Variants in WLS observed in about 807,000 individuals in gnomAD.
The protein encoded by WLS is Wnt ligand secretion mediator.
In WLS, 23 loss-of-function variants were observed where a neutral mutation model predicts 62.8. That is an observed-to-expected ratio of 0.37 (90% confidence interval 0.26 to 0.52). The LOEUF is 0.52. WLS is among the 20% of genes least tolerant of loss of function. The probability of loss-of-function intolerance (pLI) is 0.92; values close to 1 mark genes in which losing one functional copy is unlikely to be tolerated. For missense variants in WLS, 615 were observed against 697.3 expected, an observed-to-expected ratio of 0.88 and a Z score of 1.33; for synonymous variants, 246 against 244.1, an observed-to-expected ratio of 1.01 and a Z score of -0.07.
rs143443478 is a variant in WLS at position 68,139,251 on chromosome 1, C to T, written c.1363-1318G>A. On this transcript the variant is annotated intron_variant, in intron 10 of 11. Transcript: ENST00000262348. ...AGTGTTTTCTGGCAAAGATGGATTT[C>T]ATAACCATTACTAATTTTAGGACAA... Among the ~76,000 whole-genome samples the T allele has an allele frequency of 1.8e-3, 270 of 152,288 alleles. 1 individual carries two copies. Among genetic ancestry groups the T allele is most frequent in the African/African-American group, 6.2e-3 (257 of 41,556 alleles).
chr1:68,146,087 G>T, intron 8 of WLS, 75 bp from the exon 9 acceptor site: 1 of 1,526,148 alleles, frequency 6.6e-7, no homozygotes, highest in Non-Finnish European at 8.9e-7. Context: ...TTCTCCCCAG[G>T]TCTGTTGGCA....
intron 11 of WLS, among the ~76,000 whole-genome samples, chr1:68,130,367 G>A (rs949836675): frequency 6.6e-6 from 1 of 152,100 alleles, no homozygotes; most frequent in African/African-American, 2.4e-5. Flanking sequence ...TGAAAGCCAG[G>A]GAGCTCCCAT....
rs894381465 is a variant in WLS, at chr1:68,106,055, T to C, written c.1511-7302A>G. ...CAAAGTGTTAATATGAAAAATCAAGTACCTCGCTCTGAAATTTCAGAATTT... is the reference window on the plus strand; with the variant it reads ...CAAAGTGTTAATATGAAAAATCAAGCACCTCGCTCTGAAATTTCAGAATTT... On this transcript the variant is annotated intron_variant, in intron 11 of 11. Coordinates refer to the WLS transcript ENST00000354777. 5.3e-5 allele frequency among the ~76,000 whole-genome samples: 8 copies of C among 152,100 alleles called. No homozygotes were observed. The East Asian group carries it at 1.4e-3, about 26-fold the overall frequency.
intron 10 of WLS, among the ~76,000 whole-genome samples, chr1:68,140,906 G>A (rs1646675864): frequency 6.6e-6 from 1 of 152,010 alleles, no homozygotes; most frequent in Non-Finnish European, 1.5e-5. Context: ...TCTTACTAAT[G>A]CCAAGGCGGA....
Position 68,125,365 on chromosome 1 carries a change from T to C in WLS, c.*861A>G. On this transcript the variant is annotated 3_prime_UTR_variant, in exon 12 of 12. Transcript: ENST00000262348. ...ATAATCTGCACGCATGTGTATGAGTTTTAGCAGGAGGGGATATGCATGTAC... is the reference window on the plus strand; with the variant it reads ...ATAATCTGCACGCATGTGTATGAGTCTTAGCAGGAGGGGATATGCATGTAC... 1 of 985,438 alleles carries C rather than the reference T, an allele frequency of 1.0e-6. No homozygotes were observed. The allele number at this position is 985,438 out of a possible 1,614,324, so 61.0% of individuals were successfully genotyped here. A position where few individuals can be genotyped will look rare whatever the true frequency, so the allele number is the denominator to read the frequency against.
chr1:68,106,758 G>GT (rs1646152141), intron 11 of WLS, among the ~76,000 whole-genome samples: 2 of 151,250 alleles, frequency 1.3e-5, no homozygotes, highest in African/African-American at 4.9e-5. Context: ...GTGTATGTGT[G>GT]GGTAGGTGGG....
intron 2 of WLS, among the ~76,000 whole-genome samples, chr1:68,174,275 CT>C (rs1443701944): frequency 6.6e-6 from 1 of 152,200 alleles, no homozygotes; most frequent in East Asian, 1.9e-4. Flanking sequence ...GTTTCAACAG[CT>C]GTGTTATTGC....
Position 68,145,956 on chromosome 1 carries a change from G to A in WLS, c.1191C>T (p.Cys397=). The A allele has an allele frequency of 6.2e-7, 1 of 1,614,164 alleles. No homozygotes were observed. The change falls in exon 9 of 12, where the codon TGC becomes TGT. Residue 397 remains cysteine, a synonymous_variant. Transcript: ENST00000262348. Reference sequence around the variant, plus strand: ...TCCGAAACACCTGAAATACCATGAAGCATAGAAACAGGAAGTAGAGGCAGA... The same window carrying A: ...TCCGAAACACCTGAAATACCATGAAACATAGAAACAGGAAGTAGAGGCAGA... ...ICLCLYFLFL[C]FMVFQVFRNI...
chr1:68,158,540 G>A (rs1429558500), intron 3 of WLS, among the ~76,000 whole-genome samples: 1 of 151,918 alleles, frequency 6.6e-6, no homozygotes. Flanking sequence ...CCGGAAGGAG[G>A]AGAATTGTCT....
intron 11 of WLS, among the ~76,000 whole-genome samples, chr1:68,113,702 T>TAGAA (rs1489068280): frequency 6.6e-6 from 1 of 152,214 alleles, no homozygotes; most frequent in East Asian, 1.9e-4. Flanking sequence ...GGGAGCATGT[T>TAGAA]AGAAATGCAT....
intron 11 of WLS, among the ~76,000 whole-genome samples, chr1:68,111,599 G>C (rs756877529): frequency 2.0e-5 from 3 of 152,202 alleles, no homozygotes; most frequent in Non-Finnish European, 4.4e-5. Context: ...CTAAATGCCA[G>C]TGTGCCCCTA....
intron 1 of WLS, among the ~76,000 whole-genome samples, chr1:68,214,513 T>G (rs1571024810): frequency 6.6e-6 from 1 of 151,916 alleles, no homozygotes; most frequent in South Asian, 2.1e-4. Context: ...TACAGGCAGG[T>G]GAAACCACAT....
Position 68,145,881 on chromosome 1 carries a change from C to T in WLS, c.1266G>A (p.Arg422=), listed in dbSNP as rs752791170. The change falls in exon 9 of 12, where the codon CGG becomes CGA. Residue 422 remains arginine (R), a synonymous_variant. Transcript: ENST00000262348. ...GAAATCTGCCCACCTCATAGTGTAG[C>T]CGCCGGACTTTGCTCATAGCTGGCA... ...SSLPAMSKVR[R]LHYEGLIFRF... is the part of the protein sequence containing the mutation. 4.3e-6 allele frequency: 7 copies of T among 1,614,172 alleles called. No homozygotes were observed. The highest frequency in any genetic ancestry group is 5.9e-6 in the Non-Finnish European group (7 of 1,180,028).
intron 6 of WLS, among the ~76,000 whole-genome samples, chr1:68,148,984 T>C (rs1409712337): frequency 6.6e-6 from 1 of 152,226 alleles, no homozygotes; most frequent in Non-Finnish European, 1.5e-5. Context: ...TAACTCATTC[T>C]GAATTAAATT....
chr1:68,175,098 C>G (rs17483057), intron 2 of WLS, among the ~76,000 whole-genome samples: 9,302 of 152,272 alleles, frequency 0.061, 342 homozygotes, highest in Admixed American at 0.093. Flanking sequence ...GCCTGTTCTC[C>G]CTCCAAAGTT....
At chr1:68,159,012 C>A in intron 3 of WLS, 111 bp downstream of exon 3, 1 of 1,424,310 alleles carries the variant, frequency 7.0e-7, no homozygotes, top group Non-Finnish European at 9.6e-7. Flanking sequence ...GCAGGTATTA[C>A]CAAAGCTGTC....
intron 11 of WLS, chr1:68,098,823 G>A: frequency 6.5e-7 from 1 of 1,535,584 alleles, no homozygotes; most frequent in South Asian, 1.2e-5. Context: ...ATGGAGTTTA[G>A]GACCAAGGCT....
intron 2 of WLS, among the ~76,000 whole-genome samples, chr1:68,182,720 G>A (rs989508138): frequency 2.0e-5 from 3 of 152,132 alleles, no homozygotes; most frequent in Non-Finnish European, 4.4e-5. Context: ...AGATCTTTTT[G>A]ATGTATTTTG....
rs139742611 is a variant in WLS, at chr1:68,192,865, T to C, written c.379+1090A>G. Among the ~76,000 whole-genome samples, 487 of 140,822 alleles carry C rather than the reference T, an allele frequency of 3.5e-3. 2 individuals are homozygous for C. Among genetic ancestry groups the C allele is most frequent in the African/African-American group, 0.012 (463 of 37,516 alleles). 92.4% of individuals were successfully genotyped at this position (140,822 alleles called of 152,430 possible). ...ATCCCAGCACTTTGGGAGGCCAAGGTGGGTGGATCACCTGAGATCAGGAGT... is the reference window on the plus strand; with the variant it reads ...ATCCCAGCACTTTGGGAGGCCAAGGCGGGTGGATCACCTGAGATCAGGAGT... On this transcript the variant is annotated intron_variant, in intron 2 of 11. Transcript: ENST00000262348.
Sources: gnomAD v4.1 joint callset for allele counts (sites outside exome capture counted in the v4.1 genomes callset) on GRCh38, gnomAD v4.1.1 for gene constraint, MANE v1.5 for transcripts, NCBI Gene and HGNC (gene_info 2026-07-23, HGNC 2026-07-21) for gene names.